Variants in GNA14 observed in about 807,000 individuals in gnomAD.
The protein encoded by GNA14 is guanine nucleotide-binding protein subunit alpha-14.
In GNA14, 50 loss-of-function variants were observed where a neutral mutation model predicts 42.0. The observed-to-expected ratio is 1.19, with a 90% CI of 0.95 to 1.51. GNA14 has a LOEUF of 1.51. Among genes scored for constraint, GNA14 ranks in the 40% most tolerant of loss-of-function variants. GNA14 has a pLI of 0.00. For synonymous variants in GNA14, 173 were observed against 163.1 expected (o/e 1.06, Z -0.46); for missense variants, 473 against 446.2 (o/e 1.06, Z -0.54).
intron 1 of GNA14, among the ~76,000 whole-genome samples, chr9:77,618,581 AATATATATATATAT>A (rs1181899033): frequency 2.5e-3 from 106 of 42,586 alleles, no homozygotes; most frequent in East Asian, 0.011. Flanking sequence ...ATTACATTTG[AATATATATATATAT>A]ATATATATAT....
intron 1 of GNA14, among the ~76,000 whole-genome samples, chr9:77,538,757 T>A (rs1837627074): frequency 6.6e-6 from 1 of 152,230 alleles, no homozygotes; most frequent in Non-Finnish European, 1.5e-5. Flanking sequence ...GATATGGTAC[T>A]AATTTTTGTA....
chr9:77,424,247 G>GA, intron 6 of GNA14, 78 bp from the exon 7 acceptor site: 1 of 1,010,522 alleles, frequency 9.9e-7, no homozygotes, highest in Non-Finnish European at 1.5e-6. Context: ...TTTTGAGACA[G>GA]AGTCTCGCTC....
intron 1 of GNA14, among the ~76,000 whole-genome samples, chr9:77,534,429 A>G (rs905144763): frequency 5.3e-5 from 8 of 152,234 alleles, no homozygotes; most frequent in Non-Finnish European, 7.3e-5. Context: ...TGATAGTCCA[A>G]GGACATCAAA....
At chr9:77,473,445 G>C (rs1175528337) in intron 2 of GNA14, among the ~76,000 whole-genome samples, 1 of 152,060 alleles carries the variant, frequency 6.6e-6, no homozygotes, top group African/African-American at 2.4e-5. Flanking sequence ...GACAGAGCCT[G>C]ACCCTGTCTC....
chr9:77,616,684 C>T (rs541939058), intron 1 of GNA14, among the ~76,000 whole-genome samples: 4 of 152,138 alleles, frequency 2.6e-5, no homozygotes, highest in Non-Finnish European at 4.4e-5. Context: ...ATTTACTCTA[C>T]GTCATAATTC....
chr9:77,452,884 G>C (rs536978857), intron 2 of GNA14, among the ~76,000 whole-genome samples: 2 of 152,028 alleles, frequency 1.3e-5, no homozygotes, highest in African/African-American at 4.8e-5. Context: ...GTAAGCCCAA[G>C]GACACAGGAG....
At chr9:77,466,999 C>T (rs900893172) in intron 2 of GNA14, among the ~76,000 whole-genome samples, 5 of 95,578 alleles carry the variant, frequency 5.2e-5, no homozygotes, top group South Asian at 3.6e-4. Flanking sequence ...TTTTACCACT[C>T]GGTGTGTGTG....
At chr9:77,565,696 G>C (rs1822956964) in intron 1 of GNA14, among the ~76,000 whole-genome samples, 1 of 152,224 alleles carries the variant, frequency 6.6e-6, no homozygotes, top group African/African-American at 2.4e-5. Context: ...TGCCTCGAGT[G>C]ATCCTTCTGC....
At chr9:77,498,112 G>T (rs113157316) in intron 2 of GNA14, among the ~76,000 whole-genome samples, 5 of 152,064 alleles carry the variant, frequency 3.3e-5, no homozygotes, top group African/African-American at 1.2e-4. Flanking sequence ...AGTGGCTCAC[G>T]CCTGTAATCC....
intron 3 of GNA14, among the ~76,000 whole-genome samples, chr9:77,434,140 C>T (rs890773790): frequency 6.6e-6 from 1 of 152,150 alleles, no homozygotes; most frequent in African/African-American, 2.4e-5. Context: ...ACAGCAAGAG[C>T]AGGCGGGTGT....
chr9:77,625,743 T>C (rs1824003938), intron 1 of GNA14, among the ~76,000 whole-genome samples: 1 of 152,054 alleles, frequency 6.6e-6, no homozygotes, highest in Non-Finnish European at 1.5e-5. Context: ...AAGCACTAAA[T>C]ATGGAAAGGA....
intron 2 of GNA14, among the ~76,000 whole-genome samples, chr9:77,466,069 T>TG (rs1836218137): frequency 6.6e-6 from 1 of 152,222 alleles, no homozygotes; most frequent in Non-Finnish European, 1.5e-5. Flanking sequence ...AGTTCGACTA[T>TG]AATGTGTCTG....
intron 2 of GNA14, among the ~76,000 whole-genome samples, chr9:77,435,050 T>TAAAAA (rs3052358): frequency 1.7e-5 from 2 of 119,278 alleles, no homozygotes; most frequent in African/African-American, 6.1e-5. Flanking sequence ...TTCTTTCATT[T>TAAAAA]AAAAAAAAAA....
rs1835415532 is a variant in GNA14, at chr9:77,424,080, G to C, written c.967C>G (p.His323Asp). 2 of 1,611,596 alleles carry C rather than the reference G, an allele frequency of 1.2e-6. No homozygotes were observed. Among genetic ancestry groups the C allele is most frequent in the Admixed American group, 1.7e-5 (1 of 59,948 alleles). Reference sequence around the variant, plus strand: ...TCTGTATCTGTAGCACATGTGAAGTGAGAGTAGATGACTTTCTCTTTGTCA... The same window carrying C: ...TCTGTATCTGTAGCACATGTGAAGTCAGAGTAGATGACTTTCTCTTTGTCA... ...NPDKEKVIYS[H>D]FTCATDTDNI... The change falls in exon 7 of 7, where the codon CAC (histidine) becomes GAC (aspartate). Residue 323 changes from histidine (H) to aspartate (D), a missense_variant. Transcript: ENST00000341700.
intron 1 of GNA14, among the ~76,000 whole-genome samples, chr9:77,578,128 TA>T (rs1823157468): frequency 6.6e-6 from 1 of 151,952 alleles, no homozygotes; most frequent in Non-Finnish European, 1.5e-5. Context: ...ATACAAAAAT[TA>T]GCTGGGCGTG....
intron 1 of GNA14, among the ~76,000 whole-genome samples, chr9:77,632,562 C>T (rs1824115969): frequency 6.6e-6 from 1 of 152,176 alleles, no homozygotes; most frequent in Non-Finnish European, 1.5e-5. Context: ...GAGCTGTGGC[C>T]CTTTGAGGAC....
intron 1 of GNA14, among the ~76,000 whole-genome samples, chr9:77,641,517 G>A (rs1454905089): frequency 1.3e-5 from 2 of 151,232 alleles, no homozygotes; most frequent in Non-Finnish European, 2.9e-5. Flanking sequence ...AAAGCACAGT[G>A]GGGATCGCTA....
At chr9:77,575,667 G>A (rs1823117183) in intron 1 of GNA14, among the ~76,000 whole-genome samples, 1 of 152,176 alleles carries the variant, frequency 6.6e-6, no homozygotes, top group Admixed American at 6.5e-5. Flanking sequence ...CTTAAAGGCA[G>A]TTAAGGTTGA....
At chr9:77,511,641 G>C (rs1837172315) in intron 2 of GNA14, among the ~76,000 whole-genome samples, 1 of 152,078 alleles carries the variant, frequency 6.6e-6, no homozygotes, top group South Asian at 2.1e-4. Flanking sequence ...ATCCCAAGTG[G>C]GCACAGACCA....
Sources: allele counts gnomAD v4.1 joint callset (sites outside exome capture counted in the v4.1 genomes callset), GRCh38; gene constraint gnomAD v4.1.1; transcripts MANE v1.5; gene names NCBI Gene and HGNC (gene_info 2026-07-23, HGNC 2026-07-21).